The following SV2C variants were observed in gnomAD, a reference collection of about 807,000 sequenced individuals.
SV2C encodes the protein synaptic vesicle glycoprotein 2C.
In SV2C, 49 loss-of-function variants were observed where a neutral mutation model predicts 79.7. That is an observed-to-expected ratio of 0.61 (90% CI 0.49 to 0.78). The LOEUF is 0.78. SV2C is among the 30% of genes least tolerant of loss of function. SV2C has a pLI of 0.00. For synonymous variants in SV2C, 334 were observed against 333.2 expected (o/e 1.00, Z -0.03); for missense variants, 833 against 912.9 (o/e 0.91, Z 1.13).
chr5:75,994,050 A>G, the SV2C span, among the ~76,000 whole-genome samples: 1 of 152,084 alleles, frequency 6.6e-6, no homozygotes. Flanking sequence ...CAATGTTTTG[A>G]AAGTGATTTA....
chr5:75,969,729 T>C, the SV2C span, among the ~76,000 whole-genome samples: 8 of 151,432 alleles, frequency 5.3e-5, no homozygotes, highest in Middle Eastern at 3.4e-3. Context: ...TAATGGGAGA[T>C]TTTAACACCC....
the SV2C span, among the ~76,000 whole-genome samples, chr5:76,013,976 G>A: frequency 5.1e-4 from 78 of 152,194 alleles, no homozygotes; most frequent in African/African-American, 1.8e-3. Context: ...GCATATTTTA[G>A]TTATAGAGGC....
chr5:76,076,756 TC>T, the SV2C span, among the ~76,000 whole-genome samples: 1 of 152,168 alleles, frequency 6.6e-6, no homozygotes, highest in Non-Finnish European at 1.5e-5. Flanking sequence ...ATAGCCACAT[TC>T]TCTTGCTTTA....
intron 2 of SV2C, among the ~76,000 whole-genome samples, chr5:76,175,795 T>A (rs895463916): frequency 3.3e-5 from 5 of 152,016 alleles, no homozygotes; most frequent in African/African-American, 4.8e-5. Flanking sequence ...CAAGTCAGAG[T>A]CTGTTTGGGA....
At chr5:76,146,519 C>T (rs541769790) in intron 2 of SV2C, among the ~76,000 whole-genome samples, 44 of 152,224 alleles carry the variant, frequency 2.9e-4, no homozygotes, top group African/African-American at 1.0e-3. Context: ...CCTGAGGTCA[C>T]TCTCGTCACC....
rs1362725497 is a variant in SV2C, at chr5:76,329,556, A to G, written c.*4009A>G. The G allele has an allele frequency of 6.6e-6, 1 of 152,228 alleles. No individual in the cohort carries two copies. The highest frequency in any genetic ancestry group is 1.5e-5 in the Non-Finnish European group (1 of 68,052). 9.4% of individuals were successfully genotyped at this position (152,228 alleles called of 1,614,324 possible). On this transcript the variant is annotated 3_prime_UTR_variant, in exon 13 of 13. Coordinates refer to ENST00000502798, the MANE Select transcript of SV2C (RefSeq NM_014979.4). ...GGGAGGTGGGAAAAGAAATGTAGTG[A>G]CAGAAGGGAGAGTCCAAGATACCAC...
At chr5:75,924,100 T>C in the SV2C span, among the ~76,000 whole-genome samples, 2,305 of 152,288 alleles carry the variant, frequency 0.015, 56 homozygotes, top group African/African-American at 0.053. Flanking sequence ...AAAGAATGTC[T>C]TTTGCAGCAA....
chr5:76,253,326 C>T (rs1189004851), intron 4 of SV2C, among the ~76,000 whole-genome samples: 2 of 152,126 alleles, frequency 1.3e-5, no homozygotes, highest in East Asian at 3.8e-4. Context: ...AGATCTCACT[C>T]TGTCGCCCAG....
chr5:76,058,250 T>G, the SV2C span, among the ~76,000 whole-genome samples: 3 of 152,074 alleles, frequency 2.0e-5, no homozygotes, highest in Non-Finnish European at 4.4e-5. Flanking sequence ...CATGAATAAC[T>G]CAGGCAGAGT....
At chr5:76,066,137 A>G in the SV2C span, among the ~76,000 whole-genome samples, 1 of 152,102 alleles carries the variant, frequency 6.6e-6, no homozygotes, top group Admixed American at 6.6e-5. Context: ...TGCTATAAAG[A>G]CACATGCACA....
intron 1 of SV2C, among the ~76,000 whole-genome samples, chr5:76,119,212 T>G (rs1310461500): frequency 6.6e-6 from 1 of 152,080 alleles, no homozygotes; most frequent in Non-Finnish European, 1.5e-5. Flanking sequence ...CAATATAAAG[T>G]GTGTGATTAA....
intron 3 of SV2C, among the ~76,000 whole-genome samples, chr5:76,208,443 G>C (rs1412046940): frequency 6.6e-6 from 1 of 152,142 alleles, no homozygotes; most frequent in African/African-American, 2.4e-5. Flanking sequence ...ACTTTAAACA[G>C]AGGCAAATAC....
chr5:76,070,370 A>G, the SV2C span, among the ~76,000 whole-genome samples: 1 of 152,134 alleles, frequency 6.6e-6, no homozygotes, highest in Non-Finnish European at 1.5e-5. Flanking sequence ...GCCTTGTTCT[A>G]TCAGGCAGGT....
chr5:75,987,534 T>C, the SV2C span, among the ~76,000 whole-genome samples: 1 of 151,960 alleles, frequency 6.6e-6, no homozygotes, highest in Non-Finnish European at 1.5e-5. Context: ...AACTCTGGAC[T>C]ACCTACTTCC....
intron 2 of SV2C, among the ~76,000 whole-genome samples, chr5:76,142,903 C>CTTTTTTTTTTTTTTTTTTTTTTTTT (rs372569739): frequency 7.4e-6 from 1 of 134,574 alleles, no homozygotes; most frequent in Admixed American, 7.5e-5. Context: ...TTTTCTTTTC[C>CTTTTTTTTTTTTTTTTTTTTTTTTT]TTTTTTTTTG....
At chr5:76,102,594 G>T (rs1468379011) in intron 1 of SV2C, among the ~76,000 whole-genome samples, 3 of 152,192 alleles carry the variant, frequency 2.0e-5, no homozygotes, top group African/African-American at 7.2e-5. Context: ...AGAAAGGAAA[G>T]GGCATAATCC....
chr5:76,325,454 A>C lies in SV2C; in HGVS notation c.2091A>C (p.Lys697Asn). 6.2e-7 allele frequency: 1 copy of C among 1,614,162 alleles called. No individual in the cohort carries two copies. The change falls in exon 13 of 13, where the codon AAA (lysine) becomes AAC (asparagine). Residue 697 changes from lysine (K) to asparagine (N), a missense_variant. Coordinates refer to ENST00000502798, the MANE Select transcript of SV2C (RefSeq NM_014979.4). ...LIFGSLVSIT[K>N]SIPILLASTV... ...TTGGCTCTCTGGTCAGCATCACCAAATCAATCCCCATCCTGCTGGCTTCTA... is the reference window on the plus strand; with the variant it reads ...TTGGCTCTCTGGTCAGCATCACCAACTCAATCCCCATCCTGCTGGCTTCTA...
At chr5:76,000,852 A>G in the SV2C span, among the ~76,000 whole-genome samples, 2 of 152,042 alleles carry the variant, frequency 1.3e-5, no homozygotes, top group African/African-American at 2.4e-5. Context: ...TCTCCCCTTC[A>G]TCTACCCACT....
chr5:76,279,864 G>A lies in SV2C; in HGVS notation c.914-5298G>A, dbSNP rs982800698. Among the ~76,000 whole-genome samples the A allele has an allele frequency of 9.9e-5, 15 of 152,142 alleles. 1 individual carries two copies. The highest frequency in any genetic ancestry group is 8.5e-4 in the Admixed American group (13 of 15,280). Reference sequence around the variant, plus strand: ...CGATGAGGGTTGGAGAGGAGGAACAGATACTTACAGGAGTTCCGTCCTTGA... The same window carrying A: ...CGATGAGGGTTGGAGAGGAGGAACAAATACTTACAGGAGTTCCGTCCTTGA... On this transcript the variant is annotated intron_variant, in intron 4 of 12. Transcript: ENST00000502798.
Sources: gnomAD v4.1 joint callset for allele counts (sites outside exome capture counted in the v4.1 genomes callset) on GRCh38, gnomAD v4.1.1 for gene constraint, MANE v1.5 for transcripts, NCBI Gene and HGNC (gene_info 2026-07-23, HGNC 2026-07-21) for gene names.